The following MIR2052HG variants were observed in gnomAD, a reference collection of about 807,000 sequenced individuals.
MIR2052HG encodes MIR2052 host gene.
intron 2 of MIR2052HG, among the ~76,000 whole-genome samples, chr8:74,622,317 A>G (rs929155832): frequency 2.0e-5 from 3 of 152,220 alleles, no homozygotes; most frequent in African/African-American, 7.2e-5. Context: ...ATGAAAAAAA[A>G]TGTTGGCTGG....
intron 2 of MIR2052HG, among the ~76,000 whole-genome samples, chr8:74,636,729 C>T (rs568786840): frequency 6.6e-6 from 1 of 152,228 alleles, no homozygotes; most frequent in Admixed American, 6.5e-5. Context: ...GAGAGCAGCA[C>T]ATTAAATGCC....
At chr8:74,743,178 C>A (rs1809850355) in intron 4 of MIR2052HG, among the ~76,000 whole-genome samples, 6 of 151,596 alleles carry the variant, frequency 4.0e-5, no homozygotes, top group Admixed American at 3.9e-4. Context: ...CTAAAAACCA[C>A]CTTAAAATAT....
chr8:74,752,403 G>A, intron 4 of MIR2052HG: 1 of 453,246 alleles, frequency 2.2e-6, no homozygotes, highest in Non-Finnish European at 4.4e-6. Context: ...ACATTTGGGA[G>A]CATTTTTCAT....
rs560206968 is a variant in MIR2052HG, at chr8:74,754,110, G to A, written n.464+1577G>A. On this transcript the variant is annotated intron_variant and non_coding_transcript_variant, in intron 5 of 6. Transcript: ENST00000523442. The stretch of plus-strand genomic sequence containing the variant: ...AAGTTTCTATGCGCTGCATTTCCTC[G>A]TCTGTAAAATGAAGAACATAATAGT... Among the ~76,000 whole-genome samples the A allele has an allele frequency of 5.2e-4, 79 of 152,138 alleles. No homozygotes were observed. The South Asian group carries it at 5.8e-3, about 11-fold the overall frequency.
At chr8:74,749,529 C>T (rs1028254064) in intron 4 of MIR2052HG, among the ~76,000 whole-genome samples, 3 of 152,010 alleles carry the variant, frequency 2.0e-5, no homozygotes, top group Admixed American at 2.0e-4. Context: ...ATTTCAAGTT[C>T]GACATCATAA....
chr8:74,654,439 C>T (rs1808783066), intron 2 of MIR2052HG, among the ~76,000 whole-genome samples: 1 of 152,076 alleles, frequency 6.6e-6, no homozygotes, highest in Admixed American at 6.5e-5. Context: ...AATTATATCT[C>T]CCGGAACTCC....
At chr8:74,734,530 TGCAGGGA>T (rs1179112268) in intron 4 of MIR2052HG, among the ~76,000 whole-genome samples, 2 of 152,250 alleles carry the variant, frequency 1.3e-5, no homozygotes, top group Non-Finnish European at 2.9e-5. Context: ...CAGGACAAAT[TGCAGGGA>T]GCATTTCAAA....
intron 1 of MIR2052HG, among the ~76,000 whole-genome samples, chr8:74,600,218 G>T (rs1413354311): frequency 2.3e-4 from 35 of 152,126 alleles, no homozygotes; most frequent in African/African-American, 8.2e-4. Context: ...GCTGTAGACT[G>T]GAGCTGTTCC....
intron 2 of MIR2052HG, among the ~76,000 whole-genome samples, chr8:74,662,606 T>C (rs563191750): frequency 6.6e-6 from 1 of 152,192 alleles, no homozygotes; most frequent in Non-Finnish European, 1.5e-5. Context: ...AGTTGCGTTC[T>C]GTAAGGTATA....
In MIR2052HG at chr8:74,669,506, C is replaced by T. The variant is rs117411528; in HGVS notation, n.217-32873C>T. On this transcript the variant is annotated intron_variant and non_coding_transcript_variant, in intron 2 of 6. Transcript: ENST00000523442. ...ATCTTATCTAAGACTTAAATGAGAT[C>T]TTGTCATTTTCCTAACTCTTGCTAA... Among the ~76,000 whole-genome samples the T allele has an allele frequency of 9.6e-3, 1,462 of 152,298 alleles. 10 individuals are homozygous for T. Among genetic ancestry groups the T allele is most frequent in the Non-Finnish European group, 0.015 (1,024 of 68,024 alleles).
intron 5 of MIR2052HG, among the ~76,000 whole-genome samples, chr8:74,755,640 A>G (rs1259165078): frequency 6.6e-6 from 1 of 152,188 alleles, no homozygotes; most frequent in African/African-American, 2.4e-5. Flanking sequence ...TGTCAGATGC[A>G]CGGTCTTCCA....
intron 2 of MIR2052HG, among the ~76,000 whole-genome samples, chr8:74,636,031 C>T (rs1454918766): frequency 2.0e-5 from 3 of 152,148 alleles, no homozygotes; most frequent in Non-Finnish European, 4.4e-5. Flanking sequence ...AGGCCCCCTT[C>T]CTGGCTCATG....
chr8:74,737,025 G>A (rs2128755379), intron 4 of MIR2052HG, among the ~76,000 whole-genome samples: 1 of 152,286 alleles, frequency 6.6e-6, no homozygotes, highest in South Asian at 2.1e-4. Flanking sequence ...AAGGACCAGA[G>A]GCTACTCCCT....
chr8:74,745,279 A>G (rs1250048051), intron 4 of MIR2052HG, among the ~76,000 whole-genome samples: 3 of 152,216 alleles, frequency 2.0e-5, no homozygotes, highest in Non-Finnish European at 2.9e-5. Flanking sequence ...AAAGCAATGC[A>G]GAAAAGATCT....
At chr8:74,635,076 G>T (rs931727395) in intron 2 of MIR2052HG, among the ~76,000 whole-genome samples, 12 of 152,114 alleles carry the variant, frequency 7.9e-5, no homozygotes, top group African/African-American at 2.9e-4. Flanking sequence ...GGGGTTGGGG[G>T]TGAATGGAAA....
At chr8:74,632,773 T>C (rs982469091) in intron 2 of MIR2052HG, among the ~76,000 whole-genome samples, 6 of 152,260 alleles carry the variant, frequency 3.9e-5, no homozygotes, top group Middle Eastern at 3.4e-3. Flanking sequence ...GGAAGAAATA[T>C]TATACATGGC....
intron 2 of MIR2052HG, among the ~76,000 whole-genome samples, chr8:74,637,729 G>A (rs1026964988): frequency 6.6e-6 from 1 of 152,196 alleles, no homozygotes; most frequent in African/African-American, 2.4e-5. Flanking sequence ...GGGACCTCAT[G>A]TTTACAGATA....
At chr8:74,674,663 T>A (rs1239148015) in intron 2 of MIR2052HG, among the ~76,000 whole-genome samples, 2 of 151,890 alleles carry the variant, frequency 1.3e-5, no homozygotes, top group African/African-American at 4.8e-5. Context: ...ATTCTGAATC[T>A]CTCTCCATCT....
intron 2 of MIR2052HG, among the ~76,000 whole-genome samples, chr8:74,658,452 G>A (rs1403076194): frequency 4.0e-5 from 6 of 151,122 alleles, no homozygotes; most frequent in Admixed American, 2.0e-4. Flanking sequence ...GTGCAATGGC[G>A]TGATCTTGGC....
Sources: allele counts gnomAD v4.1 joint callset (sites outside exome capture counted in the v4.1 genomes callset), GRCh38; gene constraint gnomAD v4.1.1; transcripts MANE v1.5; gene names NCBI Gene and HGNC (gene_info 2026-07-23, HGNC 2026-07-21).